Variants in SYNE2 observed in about 807,000 individuals in gnomAD.
The protein encoded by SYNE2 is nesprin-2.
Under a neutral mutation model 856.3 loss-of-function variants are expected in SYNE2, and 431 were observed. The ratio of observed to expected loss-of-function variants is 0.50; its 90% CI spans 0.47 to 0.55. The LOEUF (loss-of-function observed/expected upper bound fraction) is 0.55, where lower values mean the gene tolerates loss of function less well. Among genes scored for constraint, SYNE2 ranks in the 20% least tolerant of loss-of-function variants. The pLI, the probability that SYNE2 is intolerant of heterozygous loss-of-function variation, is 0.00. For missense variants in SYNE2, 8,129 were observed against 8,023.2 expected (o/e 1.01, Z -0.50); for synonymous variants, 2,923 against 2,872.3 (o/e 1.02, Z -0.56).
At chr14:63,793,696 G>A (rs920416020) in intron 1 of SYNE2, among the ~76,000 whole-genome samples, 12 of 152,044 alleles carry the variant, frequency 7.9e-5, no homozygotes, top group Non-Finnish European at 1.8e-4. Context: ...CAGGGCTTCC[G>A]GAGGCCAGAG....
In SYNE2 at chr14:63,962,060, T is replaced by C. The variant is rs191253713; in HGVS notation, c.888+435T>C. Among the ~76,000 whole-genome samples the C allele has an allele frequency of 5.2e-3, 785 of 151,914 alleles. 5 individuals are homozygous for C. Among genetic ancestry groups the C allele is most frequent in the African/African-American group, 0.018 (757 of 41,538 alleles). On this transcript the variant is annotated intron_variant, in intron 9 of 115. Transcript: ENST00000555002. ...ATTTTTATTTTTATTTTTGTTTATTTATTTATTTATTTTTGAGATGGAGTC... is the reference window on the plus strand; with the variant it reads ...ATTTTTATTTTTATTTTTGTTTATTCATTTATTTATTTTTGAGATGGAGTC...
intron 45 of SYNE2, among the ~76,000 whole-genome samples, chr14:64,041,800 T>C (rs984178346): frequency 1.3e-5 from 2 of 150,754 alleles, no homozygotes; most frequent in Non-Finnish European, 2.9e-5. Context: ...CAGTGAACCA[T>C]GTTCACACCA....
chr14:64,179,625 T>C (rs2098449276), intron 96 of SYNE2, among the ~76,000 whole-genome samples: 1 of 152,246 alleles, frequency 6.6e-6, no homozygotes, highest in Non-Finnish European at 1.5e-5. Context: ...AGCTGTGAGA[T>C]AGTATCTCTT....
intron 60 of SYNE2, 134 bp from the exon 61 acceptor site, chr14:64,093,215 C>T (rs561843309): frequency 4.5e-5 from 44 of 986,160 alleles, no homozygotes; most frequent in East Asian, 7.8e-5. Context: ...TAGGCTACCA[C>T]GTCCTATTGA....
chr14:63,868,806 C>G (rs930762419), intron 1 of SYNE2, among the ~76,000 whole-genome samples: 1 of 152,098 alleles, frequency 6.6e-6, no homozygotes, highest in Non-Finnish European at 1.5e-5. Flanking sequence ...TCTGATCAGA[C>G]TTAATTTTTA....
At chr14:63,906,616 C>A (rs2095413063) in intron 1 of SYNE2, among the ~76,000 whole-genome samples, 1 of 152,024 alleles carries the variant, frequency 6.6e-6, no homozygotes, top group Non-Finnish European at 1.5e-5. Context: ...TGTAGTGGAT[C>A]TTTTGTATTT....
At chr14:64,062,678 A>T in intron 49 of SYNE2, 73 bp from the exon 50 acceptor site, 1 of 1,373,728 alleles carries the variant, frequency 7.3e-7, no homozygotes, top group Non-Finnish European at 1.0e-6. Context: ...TGGAATATTT[A>T]TTCTGGGAAA....
At position 63,983,859 on chromosome 14, in the gene SYNE2, T is replaced by G; in HGVS notation, c.2124T>G (p.Leu708=). ...VEFSTDMSVE[L]PENYNQNIKA... ...TTTCAACAGATATGTCAGTAGAACT[T>G]CCTGAAAATTATAATCAAAATATAA... The change falls in exon 18 of 116, where the codon CTT becomes CTG. Residue 708 remains leucine, a synonymous_variant. Coordinates refer to ENST00000555002, the MANE Select transcript of SYNE2 (RefSeq NM_182914.3). The G allele has an allele frequency of 6.4e-7, 1 of 1,570,316 alleles. No homozygotes were observed. The highest frequency in any genetic ancestry group is 1.4e-5 in the African/African-American group (1 of 73,820).
intron 1 of SYNE2, among the ~76,000 whole-genome samples, chr14:63,846,179 G>C (rs1185074762): frequency 6.6e-6 from 1 of 151,714 alleles, no homozygotes; most frequent in African/African-American, 2.4e-5. Context: ...TTCCTGAGGA[G>C]CTGGGACCTC....
At chr14:64,184,195 G>A (rs2098476719) in intron 96 of SYNE2, among the ~76,000 whole-genome samples, 1 of 152,188 alleles carries the variant, frequency 6.6e-6, no homozygotes, top group East Asian at 1.9e-4. Flanking sequence ...GTACATTTTG[G>A]TATCTGAAAA....
chr14:64,136,833 A>T (rs1405451036), intron 78 of SYNE2, among the ~76,000 whole-genome samples: 1 of 152,172 alleles, frequency 6.6e-6, no homozygotes, highest in African/African-American at 2.4e-5. Context: ...TATCTAAGTC[A>T]CCATCTGAAG....
chr14:63,828,676 A>C (rs1889554254), intron 1 of SYNE2, among the ~76,000 whole-genome samples: 2 of 152,104 alleles, frequency 1.3e-5, no homozygotes, highest in Admixed American at 6.6e-5. Context: ...GGTTGCAGTG[A>C]GCCAAGATCA....
At chr14:64,064,294 C>A (rs780827747) in intron 50 of SYNE2, among the ~76,000 whole-genome samples, 1 of 152,142 alleles carries the variant, frequency 6.6e-6, no homozygotes, top group Non-Finnish European at 1.5e-5. Context: ...ACATATACAG[C>A]ATGATGTGCT....
At chr14:63,894,873 G>A (rs1566735728) in intron 1 of SYNE2, among the ~76,000 whole-genome samples, 1 of 152,080 alleles carries the variant, frequency 6.6e-6, no homozygotes. Context: ...ATGGGACTCC[G>A]GCTATTGGTG....
At chr14:64,139,898 A>G (rs1359228714) in intron 79 of SYNE2, 43 bp from the exon 80 acceptor site, 1 of 1,610,296 alleles carries the variant, frequency 6.2e-7, no homozygotes, top group East Asian at 2.2e-5. Flanking sequence ...CATTATCAGA[A>G]TATGTTTCTA....
At chr14:63,900,927 G>A (rs761687949) in intron 1 of SYNE2, among the ~76,000 whole-genome samples, 2 of 152,286 alleles carry the variant, frequency 1.3e-5, no homozygotes, top group East Asian at 1.9e-4. Context: ...ACATTCCTAG[G>A]TGGACTATAA....
At chr14:64,153,458 A>G (rs908466931) in intron 85 of SYNE2, among the ~76,000 whole-genome samples, 12 of 152,340 alleles carry the variant, frequency 7.9e-5, no homozygotes, top group Non-Finnish European at 1.3e-4. Context: ...GAGAACCTTC[A>G]TTGTGGGTTG....
At chr14:64,021,606 A>C (rs550610643) in intron 36 of SYNE2, 91 bp downstream of exon 36, 2 of 1,509,744 alleles carry the variant, frequency 1.3e-6, no homozygotes, top group African/African-American at 1.4e-5. Context: ...AAAAATAGAA[A>C]AAAAAAGTCG....
chr14:63,813,185 T>A (rs1888683533), intron 1 of SYNE2, among the ~76,000 whole-genome samples: 2 of 152,216 alleles, frequency 1.3e-5, no homozygotes, highest in Non-Finnish European at 1.5e-5. Context: ...ACCACTATTC[T>A]TGCTGCACTT....
Sources: gnomAD v4.1 joint callset for allele counts (sites outside exome capture counted in the v4.1 genomes callset) on GRCh38, gnomAD v4.1.1 for gene constraint, MANE v1.5 for transcripts, NCBI Gene and HGNC (gene_info 2026-07-23, HGNC 2026-07-21) for gene names.